SGK1: variants seen among roughly 807,000 people sequenced by gnomAD.
The protein encoded by SGK1 is serum/glucocorticoid regulated kinase 1.
In SGK1, 26 loss-of-function variants were observed where a neutral mutation model predicts 64.2. The observed-to-expected ratio is 0.40, with a 90% CI of 0.30 to 0.56. SGK1 has a LOEUF of 0.56. Ranked by LOEUF, SGK1 falls within the 20% of genes least tolerant of loss-of-function variation. The pLI, the probability that SGK1 is intolerant of heterozygous loss-of-function variation, is 0.38. For missense variants in SGK1, 519 were observed against 645.6 expected, an observed-to-expected ratio of 0.80 and a Z score of 2.12; for synonymous variants, 265 against 239.7, an observed-to-expected ratio of 1.11 and a Z score of -0.98.
In SGK1 at chr6:134,261,880, C is replaced by G. The variant is rs145072692; in HGVS notation, c.285+53G>C. 4.4e-6 allele frequency: 6 copies of G among 1,352,950 alleles called. No homozygotes were observed. The East Asian group carries it at 9.2e-5, about 21-fold the overall frequency. 83.8% of individuals were successfully genotyped at this position (1,352,950 alleles called of 1,614,324 possible). A position where few individuals can be genotyped will look rare whatever the true frequency, so the allele number is the denominator to read the frequency against. ...TACTCTGGCAGAAATACAAGAAAAA[C>G]AAAGGCCCAGAATTTTTCCAGGAGA... is the stretch of plus-strand genomic sequence containing the variant. On this transcript the variant is annotated intron_variant, in intron 2 of 13. Coordinates refer to ENST00000367858, the MANE Select transcript of SGK1 (RefSeq NM_001143676.3).
Position 134,317,421 on chromosome 6 carries a change from A to G in SGK1, c.40T>C (p.Cys14Arg). The change falls in exon 1 of 14, where the codon TGC (cysteine) becomes CGC (arginine). Residue 14 changes from cysteine to arginine, a missense_variant. By Grantham distance (180) the Cys-to-Arg change is radical. Transcript: ENST00000367858. ...KDMNGFPVKK[C>R]SAFQFFKKRV... ...TTCTTAAAAAATTGGAAGGCTGAGC[A>G]TTTCTTGACTGGGAATCCATTCATG... 2 of 1,610,498 alleles carry G rather than the reference A, an allele frequency of 1.2e-6. No homozygotes were observed. Among genetic ancestry groups the G allele is most frequent in the Non-Finnish European group, 8.5e-7 (1 of 1,176,670 alleles).
chr6:134,181,990 TG>T (rs1248339593), intron 3 of SGK1, among the ~76,000 whole-genome samples: 8 of 152,088 alleles, frequency 5.3e-5, no homozygotes, highest in Non-Finnish European at 7.3e-5. Flanking sequence ...CTCAAGTAGC[TG>T]GGATTACAGG....
At position 134,300,251 on chromosome 6, in the gene SGK1, G is replaced by T. The variant is rs938457228; in HGVS notation, c.69+17141C>A. Among the ~76,000 whole-genome samples the T allele has an allele frequency of 2.0e-5, 3 of 152,164 alleles. No individual in the cohort carries two copies. The East Asian group carries it at 5.8e-4, about 30-fold the overall frequency. On this transcript the variant is annotated intron_variant, in intron 1 of 13. Coordinates refer to ENST00000367858, the MANE Select transcript of SGK1 (RefSeq NM_001143676.3). Reference sequence around the variant, plus strand: ...AGATGAGTTAAGGTGAAAGATGGTGGTGGCAGGCGGGGCGCAATGGCTCAC... The same window carrying T: ...AGATGAGTTAAGGTGAAAGATGGTGTTGGCAGGCGGGGCGCAATGGCTCAC...
At chr6:134,194,303 T>C (rs1582702237) in intron 3 of SGK1, among the ~76,000 whole-genome samples, 1 of 152,062 alleles carries the variant, frequency 6.6e-6, no homozygotes, top group East Asian at 1.9e-4. Context: ...AATCACAGGA[T>C]GCCAACTGAT....
intron 11 of SGK1, 92 bp from the exon 12 acceptor site, chr6:134,171,270 A>G (rs1775014994): frequency 8.4e-7 from 1 of 1,191,848 alleles, no homozygotes; most frequent in Non-Finnish European, 1.2e-6. Flanking sequence ...GGCAATAAAT[A>G]TTAGGCTCGA....
At chr6:134,311,150 T>G (rs1385382962) in intron 1 of SGK1, among the ~76,000 whole-genome samples, 1 of 151,944 alleles carries the variant, frequency 6.6e-6, no homozygotes, top group Non-Finnish European at 1.5e-5. Context: ...TATCTAAACA[T>G]AGAGAGAAAT....
At chr6:134,242,208 G>A (rs1440781441) in intron 2 of SGK1, among the ~76,000 whole-genome samples, 2 of 152,080 alleles carry the variant, frequency 1.3e-5, no homozygotes, top group African/African-American at 2.4e-5. Flanking sequence ...GAATAAGGCT[G>A]GGCGCGGTGG....
At chr6:134,297,876 T>C in intron 1 of SGK1, 1 of 796,424 alleles carries the variant, frequency 1.3e-6, no homozygotes, top group Non-Finnish European at 2.2e-6. Flanking sequence ...ATATTTGATC[T>C]GGTACATGCT....
At chr6:134,226,433 C>T (rs898663742) in intron 2 of SGK1, among the ~76,000 whole-genome samples, 5 of 151,374 alleles carry the variant, frequency 3.3e-5, no homozygotes, top group African/African-American at 7.3e-5. Context: ...AGTGCAGTGG[C>T]GCATGCTATA....
intron 1 of SGK1, among the ~76,000 whole-genome samples, chr6:134,315,034 A>G (rs1777658128): frequency 6.6e-6 from 1 of 152,192 alleles, no homozygotes; most frequent in African/African-American, 2.4e-5. Flanking sequence ...CAGTTACTAC[A>G]TCTGGGAAAG....
intron 3 of SGK1, among the ~76,000 whole-genome samples, chr6:134,206,719 T>C (rs1000867473): frequency 2.0e-5 from 3 of 150,232 alleles, no homozygotes; most frequent in African/African-American, 7.4e-5. Context: ...ATACAAAAAT[T>C]ATCCAGGCAT....
At chr6:134,221,594 CTTTG>C (rs1220894859) in intron 2 of SGK1, among the ~76,000 whole-genome samples, 4 of 151,826 alleles carry the variant, frequency 2.6e-5, no homozygotes, top group African/African-American at 4.8e-5. Context: ...TTCTAATTTG[CTTTG>C]TTTATGATCT....
At chr6:134,232,443 G>GAAAGAAAGAAAGAAAGAAAGAA (rs1776299794) in intron 2 of SGK1, among the ~76,000 whole-genome samples, 1 of 32,016 alleles carries the variant, frequency 3.1e-5, no homozygotes, top group Non-Finnish European at 6.9e-5. Context: ...AAGAAAGAAA[G>GAAAGAAAGAAAGAAAGAAAGAA]AAAGAAAGAA....
chr6:134,273,291 G>C (rs1383669568), intron 1 of SGK1, among the ~76,000 whole-genome samples: 1 of 147,176 alleles, frequency 6.8e-6, no homozygotes, highest in Non-Finnish European at 1.5e-5. Flanking sequence ...AAAAATCAGG[G>C]AAGGCTTTCT....
chr6:134,188,114 G>A (rs879846056), intron 3 of SGK1, among the ~76,000 whole-genome samples: 13 of 152,190 alleles, frequency 8.5e-5, no homozygotes, highest in Non-Finnish European at 1.9e-4. Context: ...GAAAGGGGCT[G>A]TTTGGTATCC....
chr6:134,195,104 T>A (rs1333878739), intron 3 of SGK1, among the ~76,000 whole-genome samples: 1 of 152,184 alleles, frequency 6.6e-6, no homozygotes, highest in African/African-American at 2.4e-5. Flanking sequence ...ATTTTAGCTA[T>A]CATAAAATGC....
intron 1 of SGK1, among the ~76,000 whole-genome samples, chr6:134,303,109 A>G (rs1371590373): frequency 6.6e-6 from 1 of 152,086 alleles, no homozygotes; most frequent in East Asian, 1.9e-4. Flanking sequence ...GTTAAGGCTT[A>G]GAGGCCAGGC....
intron 2 of SGK1, among the ~76,000 whole-genome samples, chr6:134,213,643 T>TAAATAAATAAATAAATAAAA (rs11409950): frequency 2.2e-4 from 6 of 27,818 alleles, no homozygotes; most frequent in East Asian, 9.8e-4. Flanking sequence ...AATAAATAAA[T>TAAATAAATAAATAAATAAAA]AATAAATAAA....
intron 2 of SGK1, among the ~76,000 whole-genome samples, chr6:134,226,456 T>A (rs1270661919): frequency 2.6e-5 from 4 of 152,036 alleles, no homozygotes; most frequent in African/African-American, 9.7e-5. Context: ...CCTAACACTT[T>A]GGGAGGCCAA....
Sources: gnomAD v4.1 joint callset for allele counts (sites outside exome capture counted in the v4.1 genomes callset) on GRCh38, gnomAD v4.1.1 for gene constraint, MANE v1.5 for transcripts, NCBI Gene and HGNC (gene_info 2026-07-23, HGNC 2026-07-21) for gene names.